The following VLDLR variants were observed in gnomAD, a reference collection of about 807,000 sequenced individuals.
VLDLR encodes the protein very low density lipoprotein receptor.
VLDLR carries 81 observed loss-of-function variants against 112.7 expected under a neutral mutation model. The ratio of observed to expected loss-of-function variants is 0.72; its 90% CI spans 0.60 to 0.86. The LOEUF (loss-of-function observed/expected upper bound fraction) is 0.86. Among genes scored for constraint, VLDLR ranks in the 40% least tolerant of loss-of-function variants. VLDLR has a pLI of 0.00. For synonymous variants in VLDLR, 436 were observed against 384.8 expected (o/e 1.13, Z -1.56); for missense variants, 1,237 against 1,099.4 (o/e 1.13, Z -1.77).
At chr9:2,651,823 C>T in intron 16 of VLDLR, 51 bp from the exon 17 acceptor site, 1 of 1,608,210 alleles carries the variant, frequency 6.2e-7, no homozygotes, top group Non-Finnish European at 8.5e-7. Context: ...GGGTAAATTT[C>T]TAAGTCTGAA....
At chr9:2,649,339 TC>T (rs1197779235) in intron 14 of VLDLR, among the ~76,000 whole-genome samples, 2 of 152,182 alleles carry the variant, frequency 1.3e-5, no homozygotes. Flanking sequence ...CCCCTTTGTC[TC>T]TTCACATCAT....
intron 18 of VLDLR, 130 bp from the exon 19 acceptor site, chr9:2,653,703 C>T: frequency 1.1e-6 from 1 of 914,250 alleles, no homozygotes; most frequent in Non-Finnish European, 1.8e-6. Flanking sequence ...TCTTTTGTAT[C>T]TGACTGACTT....
At position 2,658,493 on chromosome 9, in the gene VLDLR, A is replaced by G. The variant is rs999297487; in HGVS notation, c.*4625A>G. On this transcript the variant is annotated 3_prime_UTR_variant, in exon 19 of 19. Coordinates refer to ENST00000382100, the MANE Select transcript of VLDLR (RefSeq NM_003383.5). ...CATATCAAAAATGGCTTTTTTCTTC[A>G]CTGCGCTCAAGGAAAAAGTCAGATG... is the stretch of plus-strand genomic sequence containing the variant. 3.3e-5 allele frequency: 5 copies of G among 152,118 alleles called. No homozygotes were observed. Among genetic ancestry groups the G allele is most frequent in the Non-Finnish European group, 7.3e-5 (5 of 68,032 alleles). 9.4% of individuals were successfully genotyped at this position (152,118 alleles called of 1,614,324 possible).
Position 2,656,064 on chromosome 9 carries a change from A to C in VLDLR, c.*2196A>C, listed in dbSNP as rs1229174700. ...CAGTATTAATTAATTATAAGGCCCA[A>C]AGTTTGTTTTGGCAAATAAAGTATT... On this transcript the variant is annotated 3_prime_UTR_variant, in exon 19 of 19. Coordinates refer to ENST00000382100, the MANE Select transcript of VLDLR (RefSeq NM_003383.5). The C allele has an allele frequency of 6.6e-6, 1 of 150,742 alleles. No individual in the cohort carries two copies. The highest frequency in any genetic ancestry group is 1.5e-5 in the Non-Finnish European group (1 of 67,972). The allele number at this position is 150,742 out of a possible 1,614,324, so 9.3% of individuals were successfully genotyped here.
rs1228418073 is a variant in VLDLR at position 2,648,813 on chromosome 9, A to G, written c.2104+3A>G. 1 of 1,614,094 alleles carries G rather than the reference A, an allele frequency of 6.2e-7. No individual in the cohort carries two copies. Among genetic ancestry groups the G allele is most frequent in the Non-Finnish European group, 8.5e-7 (1 of 1,180,040 alleles). Reference sequence around the variant, plus strand: ...TCATGAACTTGTACAGCCATCAGGTACCGTGGAGAAGCACAGTCCTTAATA... The same window carrying G: ...TCATGAACTTGTACAGCCATCAGGTGCCGTGGAGAAGCACAGTCCTTAATA... On this transcript the variant is annotated splice_donor_region_variant and intron_variant, in intron 14 of 18. Coordinates refer to ENST00000382100, the MANE Select transcript of VLDLR (RefSeq NM_003383.5).
In VLDLR at chr9:2,653,984, A is replaced by G; in HGVS notation, c.*116A>G. On this transcript the variant is annotated 3_prime_UTR_variant, in exon 19 of 19. Transcript: ENST00000382100. ...TCCTCTCGGCTGGAAGAACATCAAG[A>G]TACCTTTGCGTGGATCAAGCTTGTG... 2 of 1,081,648 alleles carry G rather than the reference A, an allele frequency of 1.8e-6. No individual in the cohort carries two copies. Among genetic ancestry groups the G allele is most frequent in the Non-Finnish European group, 2.8e-6 (2 of 702,626 alleles). 67.0% of individuals were successfully genotyped at this position (1,081,648 alleles called of 1,614,324 possible).
At chr9:2,651,555 T>G in intron 16 of VLDLR, 57 bp downstream of exon 16, 1 of 1,447,304 alleles carries the variant, frequency 6.9e-7, no homozygotes, top group Non-Finnish European at 9.7e-7. Context: ...ACTCTTTGTA[T>G]CTACAGCTTA....
rs766029719 is a variant in VLDLR, at chr9:2,656,305, A to G, written c.*2437A>G. ...TTCCTATTGAAATAAGAATAGATAT[A>G]TTGGTGGGCCAGGCATGGTGGCTCA... On this transcript the variant is annotated 3_prime_UTR_variant, in exon 19 of 19. Coordinates refer to ENST00000382100, the MANE Select transcript of VLDLR (RefSeq NM_003383.5). 1 of 152,130 alleles carries G rather than the reference A, an allele frequency of 6.6e-6. No homozygotes were observed. The highest frequency in any genetic ancestry group is 2.4e-5 in the African/African-American group (1 of 41,426). 9.4% of individuals were successfully genotyped at this position (152,130 alleles called of 1,614,324 possible).
intron 1 of VLDLR, among the ~76,000 whole-genome samples, chr9:2,632,121 G>A (rs1322940169): frequency 6.6e-6 from 1 of 152,102 alleles, no homozygotes; most frequent in African/African-American, 2.4e-5. Flanking sequence ...TCACCCAAAG[G>A]AGCAGAGATA....
At chr9:2,630,935 A>C (rs1817322671) in intron 1 of VLDLR, among the ~76,000 whole-genome samples, 1 of 152,218 alleles carries the variant, frequency 6.6e-6, no homozygotes, top group Non-Finnish European at 1.5e-5. Context: ...ATCTGACAGG[A>C]GACTAATATC....
intron 14 of VLDLR, among the ~76,000 whole-genome samples, chr9:2,649,352 GT>G (rs1403962148): frequency 6.6e-6 from 1 of 151,874 alleles, no homozygotes; most frequent in African/African-American, 2.4e-5. Flanking sequence ...TCACATCATC[GT>G]CCCTCTGTAT....
At chr9:2,641,333 T>G in intron 3 of VLDLR, 44 bp from the exon 4 acceptor site, 1 of 1,613,230 alleles carries the variant, frequency 6.2e-7, no homozygotes, top group Non-Finnish European at 8.5e-7. Flanking sequence ...CAGCTTTGCA[T>G]TGATCAGTTC....
In VLDLR at chr9:2,657,555, A is replaced by T. The variant is rs1045203675; in HGVS notation, c.*3687A>T. 6.7e-6 allele frequency: 1 copy of T among 149,776 alleles called. No homozygotes were observed. The highest frequency in any genetic ancestry group is 1.5e-5 in the Non-Finnish European group (1 of 66,590). 9.3% of individuals were successfully genotyped at this position (149,776 alleles called of 1,614,324 possible). A position where few individuals can be genotyped will look rare whatever the true frequency, so the allele number is the denominator to read the frequency against. On this transcript the variant is annotated 3_prime_UTR_variant, in exon 19 of 19. Coordinates refer to ENST00000382100, the MANE Select transcript of VLDLR (RefSeq NM_003383.5). ...GTGGGTGATGAGGCGGTGCCTAAAA[A>T]CCACATATATATAATCCCCTGGGTA...
chr9:2,644,665 C>A, intron 7 of VLDLR, 69 bp from the exon 8 acceptor site: 3 of 1,607,600 alleles, frequency 1.9e-6, no homozygotes, highest in Non-Finnish European at 2.6e-6. Context: ...CACAAATAGC[C>A]TGGGTTTTAA....
intron 1 of VLDLR, among the ~76,000 whole-genome samples, chr9:2,626,038 C>G (rs902303943): frequency 1.3e-5 from 2 of 152,238 alleles, no homozygotes; most frequent in Non-Finnish European, 2.9e-5. Context: ...ACTCTAAACA[C>G]TGTTAATACC....
intron 12 of VLDLR, 130 bp from the exon 13 acceptor site, chr9:2,648,078 A>C (rs370283539): frequency 2.3e-6 from 3 of 1,282,894 alleles, no homozygotes; most frequent in Non-Finnish European, 3.3e-6. Flanking sequence ...CGCAAGGTTT[A>C]TGGTGACCCC....
At chr9:2,623,209 C>G (rs1350956791) in intron 1 of VLDLR, among the ~76,000 whole-genome samples, 3 of 152,202 alleles carry the variant, frequency 2.0e-5, no homozygotes, top group Non-Finnish European at 2.9e-5. Context: ...GTCGGGTCCC[C>G]AGACTCTGCC....
In VLDLR at chr9:2,648,249, C is replaced by G; in HGVS notation, c.1864C>G (p.His622Asp). 1 of 1,614,160 alleles carries G rather than the reference C, an allele frequency of 6.2e-7. No homozygotes were observed. Among genetic ancestry groups the G allele is most frequent in the Non-Finnish European group, 8.5e-7 (1 of 1,180,020 alleles). ...CCTCTATTGGCTTGATTCTAAGTTGCACATGTTATCCAGCGTGGACTTGAA... is the reference window on the plus strand; with the variant it reads ...CCTCTATTGGCTTGATTCTAAGTTGGACATGTTATCCAGCGTGGACTTGAA... ...SRLYWLDSKL[H>D]MLSSVDLNGQ... Residue 622 changes from histidine to aspartate, a missense_variant, in exon 13 of 19, where the codon CAC (histidine) becomes GAC (aspartate). Coordinates refer to ENST00000382100, the MANE Select transcript of VLDLR (RefSeq NM_003383.5).
intron 18 of VLDLR, among the ~76,000 whole-genome samples, chr9:2,653,473 G>C (rs1484657922): frequency 6.6e-6 from 1 of 152,130 alleles, no homozygotes; most frequent in Non-Finnish European, 1.5e-5. Flanking sequence ...CTTCACGTAG[G>C]AAACAGGCTG....
Sources: gnomAD v4.1 joint callset for allele counts (sites outside exome capture counted in the v4.1 genomes callset) on GRCh38, gnomAD v4.1.1 for gene constraint, MANE v1.5 for transcripts, NCBI Gene and HGNC (gene_info 2026-07-23, HGNC 2026-07-21) for gene names.